The following FOXP1 variants were observed in gnomAD, a reference collection of about 807,000 sequenced individuals.
FOXP1 encodes the protein forkhead box P1.
FOXP1 carries 15 observed loss-of-function variants against 98.2 expected under a neutral mutation model. The observed-to-expected ratio is 0.15, with a 90% CI of 0.10 to 0.24. FOXP1 has a LOEUF of 0.24. Among genes scored for constraint, FOXP1 ranks in the 10% least tolerant of loss-of-function variants. The probability of loss-of-function intolerance (pLI) is 1.00; values close to 1 mark genes in which losing one functional copy is unlikely to be tolerated. For synonymous variants in FOXP1, 371 were observed against 314.5 expected (o/e 1.18, Z -1.90); for missense variants, 633 against 848.5 (o/e 0.75, Z 3.15).
At chr3:71,375,875 A>G (rs1006770378) in intron 3 of FOXP1, among the ~76,000 whole-genome samples, 1 of 152,208 alleles carries the variant, frequency 6.6e-6, no homozygotes, top group Non-Finnish European at 1.5e-5. Context: ...CTGGAGTGTT[A>G]ACCTTTAAAA....
intron 7 of FOXP1, among the ~76,000 whole-genome samples, chr3:71,094,639 C>T (rs1429639615): frequency 6.6e-6 from 1 of 152,118 alleles, no homozygotes; most frequent in African/African-American, 2.4e-5. Context: ...AGTTTCAGGT[C>T]ACAGAGTCAT....
intron 6 of FOXP1, among the ~76,000 whole-genome samples, chr3:71,143,186 C>T (rs1159562612): frequency 6.6e-6 from 1 of 152,172 alleles, no homozygotes; most frequent in African/African-American, 2.4e-5. Context: ...ATATTCTTTC[C>T]TGGACCATTT....
intron 5 of FOXP1, among the ~76,000 whole-genome samples, chr3:71,212,952 ATAT>A (rs2064608887): frequency 8.5e-5 from 1 of 11,828 alleles, no homozygotes; most frequent in South Asian, 4.9e-3. Flanking sequence ...AAATGGGAAT[ATAT>A]ATATATATAT....
intron 3 of FOXP1, among the ~76,000 whole-genome samples, chr3:71,396,966 GTGTA>G (rs1441746256): frequency 1.3e-4 from 2 of 15,974 alleles, no homozygotes; most frequent in East Asian, 2.9e-4. Context: ...ATATATATGT[GTGTA>G]TATATATATA....
At chr3:71,544,061 A>C (rs894483328) in intron 2 of FOXP1, among the ~76,000 whole-genome samples, 5 of 151,664 alleles carry the variant, frequency 3.3e-5, no homozygotes, top group African/African-American at 4.8e-5. Context: ...GTATACACAT[A>C]CATATACACA....
At chr3:71,193,690 C>A (rs2063136953) in intron 6 of FOXP1, among the ~76,000 whole-genome samples, 1 of 152,130 alleles carries the variant, frequency 6.6e-6, no homozygotes, top group African/African-American at 2.4e-5. Flanking sequence ...CCCAAGTGAT[C>A]AGCCCGCCTC....
At chr3:71,005,439 T>C (rs1014046443) in intron 12 of FOXP1, among the ~76,000 whole-genome samples, 1 of 150,118 alleles carries the variant, frequency 6.7e-6, no homozygotes, top group Non-Finnish European at 1.5e-5. Context: ...GACTATAATA[T>C]AATTTTCTTA....
At chr3:71,328,752 C>T (rs756625889) in intron 4 of FOXP1, among the ~76,000 whole-genome samples, 3 of 151,992 alleles carry the variant, frequency 2.0e-5, no homozygotes, top group Non-Finnish European at 2.9e-5. Context: ...GCAGTTGGAT[C>T]ACCGGAGGTT....
chr3:71,370,362 A>C (rs2079208819), intron 3 of FOXP1, among the ~76,000 whole-genome samples: 1 of 152,170 alleles, frequency 6.6e-6, no homozygotes, highest in African/African-American at 2.4e-5. Context: ...TCACACTGAC[A>C]CTGCTTTTCT....
chr3:71,346,459 C>A (rs2077367260), intron 4 of FOXP1, among the ~76,000 whole-genome samples: 1 of 152,190 alleles, frequency 6.6e-6, no homozygotes. Context: ...TGGTTGTTTT[C>A]ATCCAAGGTT....
At chr3:71,448,398 C>T (rs2086646157) in intron 3 of FOXP1, among the ~76,000 whole-genome samples, 1 of 152,192 alleles carries the variant, frequency 6.6e-6, no homozygotes, top group African/African-American at 2.4e-5. Flanking sequence ...GAAAGAAATT[C>T]TGGTACCTCT....
chr3:71,563,147 A>G (rs996807662), intron 2 of FOXP1, among the ~76,000 whole-genome samples: 1 of 152,086 alleles, frequency 6.6e-6, no homozygotes, highest in African/African-American at 2.4e-5. Flanking sequence ...GCTGGGGAGG[A>G]GCAAGCTGAA....
chr3:71,270,391 T>C (rs1398721407), intron 5 of FOXP1, among the ~76,000 whole-genome samples: 2 of 152,156 alleles, frequency 1.3e-5, no homozygotes. Context: ...AGTGACTGGC[T>C]CTAAAAACAT....
chr3:71,120,082 G>A (rs1196898316), intron 6 of FOXP1, among the ~76,000 whole-genome samples: 1 of 152,208 alleles, frequency 6.6e-6, no homozygotes, highest in Non-Finnish European at 1.5e-5. Context: ...GTAAATCATT[G>A]AGTCAGGTTA....
intron 2 of FOXP1, chr3:71,580,962 T>C (rs950281001): frequency 1.0e-6 from 1 of 985,246 alleles, no homozygotes; most frequent in African/African-American, 1.7e-5. Context: ...ATGAGCGCAA[T>C]TCCAGCCCCT....
chr3:71,577,261 T>C (rs576180738), intron 2 of FOXP1, among the ~76,000 whole-genome samples: 4 of 152,340 alleles, frequency 2.6e-5, no homozygotes, highest in African/African-American at 9.6e-5. Context: ...CTTTGCAGAA[T>C]ACCAGCCTCG....
chr3:71,234,713 A>G (rs1313371701), intron 5 of FOXP1, among the ~76,000 whole-genome samples: 3 of 152,222 alleles, frequency 2.0e-5, no homozygotes, highest in Non-Finnish European at 4.4e-5. Context: ...TCCTCTGTGA[A>G]TGTTCAAAGA....
chr3:71,053,735 G>C lies in FOXP1; in HGVS notation c.321C>G (p.Ile107Met). The C allele has an allele frequency of 1.2e-6, 2 of 1,614,050 alleles. No individual in the cohort carries two copies. Among genetic ancestry groups the C allele is most frequent in the Non-Finnish European group, 1.7e-6 (2 of 1,179,980 alleles). ...GGATCTGCTGCATTTGCTGGGGAGT[G>C]ATAACTTGAGGTGTCATCATAGCCA... is the stretch of plus-strand genomic sequence containing the variant. ...VSVAMMTPQVITPQQMQQILQ... is the reference protein window; with the variant it reads ...VSVAMMTPQVMTPQQMQQILQ... Residue 107 changes from isoleucine to methionine, a missense_variant, in exon 8 of 21, where the codon ATC (isoleucine) becomes ATG (methionine). By Grantham distance (10) the Ile-to-Met change is conservative. Coordinates refer to ENST00000649528, the MANE Select transcript of FOXP1 (RefSeq NM_001349338.3).
At chr3:71,141,635 G>A (rs761588965) in intron 6 of FOXP1, among the ~76,000 whole-genome samples, 3 of 152,160 alleles carry the variant, frequency 2.0e-5, no homozygotes, top group African/African-American at 7.2e-5. Flanking sequence ...ACTAAGCACA[G>A]TCTAGGCACT....
Sources: allele counts gnomAD v4.1 joint callset (sites outside exome capture counted in the v4.1 genomes callset), GRCh38; gene constraint gnomAD v4.1.1; transcripts MANE v1.5; gene names NCBI Gene and HGNC (gene_info 2026-07-23, HGNC 2026-07-21).